Variants in NTM observed in about 807,000 individuals in gnomAD.
The protein encoded by NTM is IgLON family member 2.
In NTM, 13 loss-of-function variants were observed where a neutral mutation model predicts 42.1. The ratio of observed to expected loss-of-function variants is 0.31; its 90% CI spans 0.20 to 0.49. NTM has a LOEUF of 0.49. NTM is among the 20% of genes least tolerant of loss of function. The probability of loss-of-function intolerance (pLI) is 0.99; values close to 1 mark genes in which losing one functional copy is unlikely to be tolerated. For missense variants in NTM, 373 were observed against 452.8 expected (o/e 0.82, Z 1.60); for synonymous variants, 187 against 179.2 (o/e 1.04, Z -0.35).
intron 1 of NTM, among the ~76,000 whole-genome samples, chr11:131,565,442 A>G (rs1565645595): frequency 6.6e-6 from 1 of 152,088 alleles, no homozygotes. Context: ...AGGCGGTGAG[A>G]GCGGGGTTGG....
chr11:131,734,975 G>A (rs887750469), intron 1 of NTM, among the ~76,000 whole-genome samples: 5 of 152,110 alleles, frequency 3.3e-5, no homozygotes, highest in Non-Finnish European at 7.4e-5. Flanking sequence ...ACAGTGACAG[G>A]TGCTAACAAG....
intron 1 of NTM, among the ~76,000 whole-genome samples, chr11:131,480,996 G>GT (rs1208275371): frequency 1.3e-5 from 2 of 152,168 alleles, no homozygotes; most frequent in African/African-American, 4.8e-5. Context: ...GCACAGTGGG[G>GT]TAGAAGTAGG....
intron 1 of NTM, among the ~76,000 whole-genome samples, chr11:131,489,446 T>G (rs1473890059): frequency 6.6e-6 from 1 of 152,262 alleles, no homozygotes; most frequent in Non-Finnish European, 1.5e-5. Context: ...CCTAGCATAA[T>G]TCTTTCAGCA....
intron 4 of NTM, among the ~76,000 whole-genome samples, chr11:132,299,851 A>C (rs186641176): frequency 6.6e-6 from 1 of 152,292 alleles, no homozygotes; most frequent in East Asian, 1.9e-4. Context: ...TCCGCCAGCC[A>C]TGCTACCTGT....
chr11:131,601,513 G>A (rs184531385), intron 1 of NTM, among the ~76,000 whole-genome samples: 4 of 151,878 alleles, frequency 2.6e-5, no homozygotes, highest in East Asian at 3.9e-4. Flanking sequence ...TCATTTGGAC[G>A]CAGATAAAAT....
chr11:132,314,453 G>C lies in NTM; in HGVS notation c.783-99G>C, dbSNP rs1470506603. 9.1e-6 allele frequency: 12 copies of C among 1,316,836 alleles called. No homozygotes were observed. The South Asian group carries it at 9.2e-5, about 10-fold the overall frequency. The allele number at this position is 1,316,836 out of a possible 1,614,324, so 81.6% of individuals were successfully genotyped here. On this transcript the variant is annotated intron_variant, in intron 6 of 8. Coordinates refer to ENST00000683400, the MANE Select transcript of NTM (RefSeq NM_001352005.2). The stretch of plus-strand genomic sequence containing the variant: ...TAATGGTTATAATGATGTCAGAAAG[G>C]GGGGCAAGGAGAAGACCAGGAATCC...
Position 131,717,279 on chromosome 11 carries a change from G to T in NTM, c.83-194285G>T, listed in dbSNP as rs565312768. ...GCCAATTTCTACTAAAAAATTTCCT[G>T]GTTTTGGATTGAAATTGTATTGAAT... On this transcript the variant is annotated intron_variant, in intron 1 of 8. Coordinates refer to ENST00000683400, the MANE Select transcript of NTM (RefSeq NM_001352005.2). Among the ~76,000 whole-genome samples the T allele has an allele frequency of 1.6e-3, 248 of 152,164 alleles. 1 individual carries two copies. The highest frequency in any genetic ancestry group is 5.7e-3 in the African/African-American group (235 of 41,520).
chr11:131,844,527 G>A (rs1332135241), intron 1 of NTM, among the ~76,000 whole-genome samples: 1 of 152,148 alleles, frequency 6.6e-6, no homozygotes, highest in Non-Finnish European at 1.5e-5. Context: ...CACTGAAGTT[G>A]TATTAAATAA....
At chr11:131,749,217 G>A (rs1308117733) in intron 1 of NTM, among the ~76,000 whole-genome samples, 1 of 152,160 alleles carries the variant, frequency 6.6e-6, no homozygotes, top group East Asian at 1.9e-4. Flanking sequence ...AGATCACAGG[G>A]ACCTGGGTTT....
chr11:131,452,398 G>A (rs1290742356), intron 1 of NTM, among the ~76,000 whole-genome samples: 1 of 152,186 alleles, frequency 6.6e-6, no homozygotes, highest in South Asian at 2.1e-4. Flanking sequence ...CTTGGGAAAA[G>A]ACATTTCCCG....
At chr11:131,844,904 AGTTT>A (rs2044724110) in intron 1 of NTM, among the ~76,000 whole-genome samples, 1 of 152,140 alleles carries the variant, frequency 6.6e-6, no homozygotes, top group African/African-American at 2.4e-5. Flanking sequence ...ATCATTAGGC[AGTTT>A]GTTGTTTTCT....
intron 2 of NTM, among the ~76,000 whole-genome samples, chr11:131,942,021 A>G (rs375099926): frequency 6.6e-6 from 1 of 151,978 alleles, no homozygotes; most frequent in Non-Finnish European, 1.5e-5. Context: ...GGAGATATTT[A>G]TTGATTATCC....
At chr11:131,404,682 C>T (rs1224787264) in intron 1 of NTM, among the ~76,000 whole-genome samples, 1 of 152,206 alleles carries the variant, frequency 6.6e-6, no homozygotes, top group African/African-American at 2.4e-5. Flanking sequence ...AATTGGGACA[C>T]ATCCTTCAAT....
intron 2 of NTM, among the ~76,000 whole-genome samples, chr11:131,984,176 C>T (rs1219183903): frequency 6.6e-6 from 1 of 152,256 alleles, no homozygotes; most frequent in East Asian, 1.9e-4. Flanking sequence ...ACTCAAAATC[C>T]AATTCAATTA....
At chr11:131,604,709 TCTTTCC>T (rs1555163546) in intron 1 of NTM, among the ~76,000 whole-genome samples, 1 of 145,742 alleles carries the variant, frequency 6.9e-6, no homozygotes, top group Non-Finnish European at 1.5e-5. Flanking sequence ...GGTCTTTTTT[TCTTTCC>T]TTTTTTTGGG....
chr11:131,548,559 C>G (rs970411938), intron 1 of NTM, among the ~76,000 whole-genome samples: 4 of 151,986 alleles, frequency 2.6e-5, no homozygotes, highest in African/African-American at 4.8e-5. Flanking sequence ...TTATGAGATA[C>G]AAAAGTTTGC....
At chr11:131,583,917 T>C (rs1012981340) in intron 1 of NTM, among the ~76,000 whole-genome samples, 1 of 152,172 alleles carries the variant, frequency 6.6e-6, no homozygotes, top group Non-Finnish European at 1.5e-5. Flanking sequence ...TTAAATCAGA[T>C]AGTCACTGTC....
intron 4 of NTM, among the ~76,000 whole-genome samples, chr11:132,212,929 A>G (rs1180596082): frequency 6.6e-6 from 1 of 151,902 alleles, no homozygotes; most frequent in Non-Finnish European, 1.5e-5. Context: ...TTTCACACTC[A>G]TGAACTCACA....
intron 1 of NTM, among the ~76,000 whole-genome samples, chr11:131,628,906 A>G (rs556746960): frequency 3.8e-4 from 58 of 152,346 alleles, no homozygotes; most frequent in African/African-American, 1.3e-3. Context: ...AGGGCTGTGG[A>G]GTACAGGCGG....
Sources: allele counts gnomAD v4.1 joint callset (sites outside exome capture counted in the v4.1 genomes callset), GRCh38; gene constraint gnomAD v4.1.1; transcripts MANE v1.5; gene names NCBI Gene and HGNC (gene_info 2026-07-23, HGNC 2026-07-21).